PSMD7: variants seen among roughly 807,000 people sequenced by gnomAD.
PSMD7 encodes 26S proteasome non-ATPase regulatory subunit 7.
In PSMD7, 13 loss-of-function variants were observed where a neutral mutation model predicts 36.4. The observed-to-expected ratio is 0.36, with a 90% CI of 0.23 to 0.57. The LOEUF is 0.57. Ranked by LOEUF, PSMD7 falls within the 20% of genes least tolerant of loss-of-function variation. The pLI, the probability that PSMD7 is intolerant of heterozygous loss-of-function variation, is 0.83. For missense variants in PSMD7, 298 were observed against 393.6 expected (o/e 0.76, Z 2.06); for synonymous variants, 186 against 151.0 (o/e 1.23, Z -1.70).
intron 1 of PSMD7, among the ~76,000 whole-genome samples, chr16:74,297,967 A>T (rs2034126724): frequency 6.6e-6 from 1 of 152,134 alleles, no homozygotes. Flanking sequence ...TCAAAAAAAA[A>T]AATGTATATA....
chr16:74,297,342 C>T (rs2034121702), intron 1 of PSMD7, among the ~76,000 whole-genome samples: 1 of 151,712 alleles, frequency 6.6e-6, no homozygotes, highest in African/African-American at 2.4e-5. Flanking sequence ...CCCCCGCCCC[C>T]AAGCTCGTGT....
At position 74,305,616 on chromosome 16, in the gene PSMD7, G is replaced by A. The variant is rs569383547; in HGVS notation, c.858G>A (p.Glu286=). ...INNKIANRDA[E]KKEGQEKEES... ...ACAAGATTGCCAACCGGGATGCAGAGAAGAAAGAAGGGCAGGAGAAAGAAG... is the reference window on the plus strand; with the variant it reads ...ACAAGATTGCCAACCGGGATGCAGAAAAGAAAGAAGGGCAGGAGAAAGAAG... Residue 286 remains glutamate, a synonymous_variant, in exon 7 of 7, where the codon GAG becomes GAA. Transcript: ENST00000219313. 2.5e-6 allele frequency: 4 copies of A among 1,597,230 alleles called. No individual in the cohort carries two copies. In the Admixed American group the frequency reaches 6.7e-5, roughly 27 times the overall value.
chr16:74,299,591 C>T (rs1227112901), intron 1 of PSMD7: 1 of 454,228 alleles, frequency 2.2e-6, no homozygotes, highest in East Asian at 7.0e-5. Flanking sequence ...CGCCATGTTG[C>T]CCACGCTGCC....
At chr16:74,297,460 C>G (rs563072706) in intron 1 of PSMD7, among the ~76,000 whole-genome samples, 2 of 151,164 alleles carry the variant, frequency 1.3e-5, no homozygotes, top group African/African-American at 4.9e-5. Flanking sequence ...AGGGTCGTAT[C>G]TTCATTTGAC....
chr16:74,297,247 C>A (rs2034120662), intron 1 of PSMD7, among the ~76,000 whole-genome samples: 3 of 152,252 alleles, frequency 2.0e-5, no homozygotes, highest in Admixed American at 6.5e-5. Context: ...GTTCCCTTTC[C>A]GAGTTCGTTT....
At chr16:74,301,177 A>G in intron 3 of PSMD7, 33 bp downstream of exon 3, 1 of 1,463,044 alleles carries the variant, frequency 6.8e-7, no homozygotes, top group Non-Finnish European at 9.5e-7. Context: ...GTTACAGCAT[A>G]GAATTGAACT....
At position 74,300,062 on chromosome 16, in the gene PSMD7, G is replaced by T. The variant is rs569245296; in HGVS notation, c.75-53G>T. ...TTCCCATTGAGTATCTTATTGTTGG[G>T]TTCATGTTTCTGTGCGAGCCTATCC... On this transcript the variant is annotated intron_variant, in intron 1 of 6. Coordinates refer to ENST00000219313, the MANE Select transcript of PSMD7 (RefSeq NM_002811.5). 23 of 1,464,362 alleles carry T rather than the reference G, an allele frequency of 1.6e-5. No individual in the cohort carries two copies. The African/African-American group carries it at 1.9e-4, about 12-fold the overall frequency. The allele number at this position is 1,464,362 out of a possible 1,614,324, so 90.7% of individuals were successfully genotyped here. A position where few individuals can be genotyped will look rare whatever the true frequency, so the allele number is the denominator to read the frequency against.
intron 1 of PSMD7, among the ~76,000 whole-genome samples, chr16:74,297,493 G>A (rs1051922360): frequency 1.3e-5 from 2 of 150,330 alleles, no homozygotes; most frequent in African/African-American, 4.9e-5. Flanking sequence ...ACTGAAATGT[G>A]AATAATGCAA....
At chr16:74,303,206 G>C (rs17336867) in intron 5 of PSMD7, among the ~76,000 whole-genome samples, 21,201 of 152,280 alleles carry the variant, frequency 0.14, 1,500 homozygotes, top group East Asian at 0.22. Context: ...TAAAGGTTCT[G>C]ACCATCCTGG....
At chr16:74,303,806 C>T (rs2034174514) in intron 5 of PSMD7, among the ~76,000 whole-genome samples, 1 of 151,992 alleles carries the variant, frequency 6.6e-6, no homozygotes. Context: ...ACTGCACCCT[C>T]CACCTCCCAG....
intron 5 of PSMD7, among the ~76,000 whole-genome samples, chr16:74,303,415 G>C (rs1257530436): frequency 6.6e-6 from 1 of 152,184 alleles, no homozygotes; most frequent in East Asian, 1.9e-4. Context: ...CCACTATGCT[G>C]TCCTTCCTCC....
chr16:74,298,727 A>G (rs1022156968), intron 1 of PSMD7, among the ~76,000 whole-genome samples: 1 of 152,128 alleles, frequency 6.6e-6, no homozygotes, highest in African/African-American at 2.4e-5. Context: ...AACAAAAATT[A>G]GCCAGGTGTG....
At position 74,301,548 on chromosome 16, in the gene PSMD7, T is replaced by C; in HGVS notation, c.260-7T>C. Reference sequence around the variant, plus strand: ...AGTTAAAGCCTGCTAATTTTTTTCCTTCCTAGCCAGGGAAAGAATAGTTGG... The same window carrying C: ...AGTTAAAGCCTGCTAATTTTTTTCCCTCCTAGCCAGGGAAAGAATAGTTGG... On this transcript the variant is annotated splice_region_variant and splice_polypyrimidine_tract_variant and intron_variant, in intron 3 of 6. Transcript: ENST00000219313. 1 of 1,605,236 alleles carries C rather than the reference T, an allele frequency of 6.2e-7. No homozygotes were observed. The highest frequency in any genetic ancestry group is 8.5e-7 in the Non-Finnish European group (1 of 1,172,878).
intron 6 of PSMD7, 92 bp from the exon 7 acceptor site, chr16:74,305,197 A>C: frequency 1.4e-6 from 2 of 1,425,500 alleles, no homozygotes; most frequent in Non-Finnish European, 1.8e-6. Context: ...TCACCCAACA[A>C]AGCTAGGAAT....
chr16:74,305,346 T>C lies in PSMD7; in HGVS notation c.588T>C (p.His196=). 6.2e-7 allele frequency: 1 copy of C among 1,614,034 alleles called. No homozygotes were observed. The highest frequency in any genetic ancestry group is 1.1e-5 in the South Asian group (1 of 91,080). ...CCCAGCGGATCACAAACCAGGTCCA[T>C]GGTTTGAAGGGACTGAACTCCAAGC... ...TLSQRITNQV[H]GLKGLNSKLL... The change falls in exon 7 of 7, where the codon CAT becomes CAC. Residue 196 remains histidine (H), a synonymous_variant. Coordinates refer to ENST00000219313, the MANE Select transcript of PSMD7 (RefSeq NM_002811.5).
chr16:74,302,984 A>C (rs2034167068), intron 5 of PSMD7, among the ~76,000 whole-genome samples: 1 of 152,200 alleles, frequency 6.6e-6, no homozygotes, highest in Non-Finnish European at 1.5e-5. Context: ...TAATTGCAGT[A>C]GGGCTTTCAT....
Position 74,296,901 on chromosome 16 carries a change from C to T in PSMD7, c.-14C>T, listed in dbSNP as rs377461997. On this transcript the variant is annotated 5_prime_UTR_variant, in exon 1 of 7. Transcript: ENST00000219313. ...GTGGCAGGGAGCCAGGCCTGGCGAG[C>T]GGGGTGTGTCGCGATGCCGGAGCTG... is the stretch of plus-strand genomic sequence containing the variant. 3.1e-6 allele frequency: 5 copies of T among 1,612,634 alleles called. No homozygotes were observed. The Admixed American group carries it at 5.0e-5, about 16-fold the overall frequency.
intron 1 of PSMD7, among the ~76,000 whole-genome samples, chr16:74,298,490 A>G (rs994228000): frequency 1.3e-5 from 2 of 152,236 alleles, no homozygotes; most frequent in African/African-American, 4.8e-5. Context: ...GCTTTTCTAC[A>G]GGAGAGGAAT....
At position 74,296,833 on chromosome 16, in the gene PSMD7, C is replaced by T. The variant is rs565607792; in HGVS notation, c.-82C>T. 9.6e-5 allele frequency: 141 copies of T among 1,473,928 alleles called. No individual in the cohort carries two copies. The African/African-American group carries it at 1.6e-3, about 17-fold the overall frequency. 91.3% of individuals were successfully genotyped at this position (1,473,928 alleles called of 1,614,324 possible). ...CGAACCGGAAGAAGAGGAACTGGGC[C>T]TGAAAGGGTACCGGTGACCGCTACT... On this transcript the variant is annotated 5_prime_UTR_variant, in exon 1 of 7. Transcript: ENST00000219313.
Sources: gnomAD v4.1 joint callset for allele counts (sites outside exome capture counted in the v4.1 genomes callset) on GRCh38, gnomAD v4.1.1 for gene constraint, MANE v1.5 for transcripts, NCBI Gene and HGNC (gene_info 2026-07-23, HGNC 2026-07-21) for gene names.